Variants in OLFM3 observed in about 807,000 individuals in gnomAD.
OLFM3 encodes olfactomedin 3, also known as noelin-3.
In OLFM3, 20 loss-of-function variants were observed where a neutral mutation model predicts 48.6. The observed-to-expected ratio is 0.41, with a 90% CI of 0.29 to 0.60. The LOEUF (loss-of-function observed/expected upper bound fraction) is 0.60. OLFM3 is among the 20% of genes least tolerant of loss of function. OLFM3 has a pLI of 0.28. For synonymous variants in OLFM3, 222 were observed against 198.1 expected, an observed-to-expected ratio of 1.12 and a Z score of -1.01; for missense variants, 437 against 544.3, an observed-to-expected ratio of 0.80 and a Z score of 1.96.
chr1:101,856,051 T>C (rs2100955279), intron 1 of OLFM3, among the ~76,000 whole-genome samples: 1 of 152,134 alleles, frequency 6.6e-6, no homozygotes, highest in African/African-American at 2.4e-5. Flanking sequence ...ACATCTGTAG[T>C]CTGCTTTTTA....
chr1:101,836,888 T>C lies in OLFM3; in HGVS notation c.207A>G (p.Leu69=), dbSNP rs755666032. 6.2e-7 allele frequency: 1 copy of C among 1,614,156 alleles called. No individual in the cohort carries two copies. Among genetic ancestry groups the C allele is most frequent in the Non-Finnish European group, 8.5e-7 (1 of 1,180,000 alleles). The change falls in exon 2 of 6, where the codon CTA becomes CTG. Residue 69 remains leucine (L), a synonymous_variant. Coordinates refer to ENST00000370103, the MANE Select transcript of OLFM3 (RefSeq NM_058170.4). The stretch of plus-strand genomic sequence containing the variant: ...GACACAGGACACCTACCTTTTCCAG[T>C]AGTTGGCGAAGTTGCCTGCTTTTGG... ...RDAKSRQLRQ[L]LEKVQNMSQS...
At chr1:101,868,118 G>T (rs1265009727) in intron 1 of OLFM3, among the ~76,000 whole-genome samples, 2 of 152,214 alleles carry the variant, frequency 1.3e-5, no homozygotes, top group African/African-American at 4.8e-5. Flanking sequence ...CCAGTCTCGG[G>T]TATGTCTTAT....
rs113235532 is a variant in OLFM3 at position 101,979,093 on chromosome 1, G to A, written c.69+17655C>T. Among the ~76,000 whole-genome samples, 9 of 151,894 alleles carry A rather than the reference G, an allele frequency of 5.9e-5. No individual in the cohort carries two copies. The East Asian group carries it at 1.7e-3, about 29-fold the overall frequency. On this transcript the variant is annotated intron_variant, in intron 1 of 5. Coordinates refer to ENST00000370103, the MANE Select transcript of OLFM3 (RefSeq NM_058170.4). ...AACCCTATTCTTCTGTATGTCTTGT[G>A]GGGGGGCATGCAGAAATAATACATT...
At position 101,878,779 on chromosome 1, in the gene OLFM3, G is replaced by A. The variant is rs192200708; in HGVS notation, c.70-41754C>T. 2.0e-5 allele frequency among the ~76,000 whole-genome samples: 3 copies of A among 151,886 alleles called. No homozygotes were observed. In the East Asian group the frequency reaches 5.8e-4, roughly 29 times the overall value. On this transcript the variant is annotated intron_variant, in intron 1 of 5. Transcript: ENST00000370103. ...GCTTTAGAAAACAGAAGCAACCACA[G>A]TCCTTGAAAACTAATGAAGAATTAG...
chr1:101,934,902 G>T (rs1312597038), intron 1 of OLFM3, among the ~76,000 whole-genome samples: 1 of 151,954 alleles, frequency 6.6e-6, no homozygotes, highest in African/African-American at 2.4e-5. Flanking sequence ...CAGAAATCAA[G>T]AAATTATTTG....
intron 1 of OLFM3, among the ~76,000 whole-genome samples, chr1:101,886,511 A>G (rs1015578654): frequency 6.6e-6 from 1 of 152,072 alleles, no homozygotes. Context: ...AAGTGAAATG[A>G]GACTGGAGGG....
chr1:101,870,012 T>A (rs1657013124), intron 1 of OLFM3, among the ~76,000 whole-genome samples: 1 of 152,196 alleles, frequency 6.6e-6, no homozygotes, highest in Non-Finnish European at 1.5e-5. Context: ...ATGAAATAAT[T>A]GACCAGCTAA....
intron 2 of OLFM3, among the ~76,000 whole-genome samples, chr1:101,832,029 A>C (rs553813068): frequency 6.6e-6 from 1 of 152,250 alleles, no homozygotes; most frequent in East Asian, 1.9e-4. Flanking sequence ...CAGTCTCCTG[A>C]GTAGCTGGGA....
intron 3 of OLFM3, among the ~76,000 whole-genome samples, chr1:101,827,881 C>T (rs938825321): frequency 2.0e-5 from 3 of 152,044 alleles, no homozygotes; most frequent in African/African-American, 7.2e-5. Flanking sequence ...ATTGTAATTC[C>T]CATATGTCTG....
At chr1:101,984,383 G>C (rs940804383) in intron 1 of OLFM3, among the ~76,000 whole-genome samples, 2 of 151,774 alleles carry the variant, frequency 1.3e-5, no homozygotes, top group Admixed American at 1.3e-4. Context: ...ATGTAATTCA[G>C]TTAGGGCTGT....
intron 1 of OLFM3, among the ~76,000 whole-genome samples, chr1:101,875,732 A>G (rs1197458830): frequency 2.0e-5 from 3 of 151,484 alleles, no homozygotes; most frequent in African/African-American, 4.9e-5. Context: ...AGCCATATCA[A>G]GAGCTCAAAA....
intron 1 of OLFM3, among the ~76,000 whole-genome samples, chr1:101,993,865 T>C (rs1328828053): frequency 6.6e-6 from 1 of 151,460 alleles, no homozygotes; most frequent in Non-Finnish European, 1.5e-5. Context: ...AAAACAATAC[T>C]GACTTTCAAG....
intron 1 of OLFM3, among the ~76,000 whole-genome samples, chr1:101,939,084 T>A (rs1328962718): frequency 1.3e-5 from 2 of 151,988 alleles, no homozygotes; most frequent in Admixed American, 6.6e-5. Flanking sequence ...TAAAAAAAAA[T>A]CCATAAAAAA....
intron 1 of OLFM3, among the ~76,000 whole-genome samples, chr1:101,928,952 ATTGTTCT>A (rs1275571111): frequency 6.6e-6 from 1 of 152,026 alleles, no homozygotes; most frequent in Non-Finnish European, 1.5e-5. Flanking sequence ...CCTATAATCC[ATTGTTCT>A]TACGGCTTCA....
intron 1 of OLFM3, among the ~76,000 whole-genome samples, chr1:101,967,285 A>T (rs1660639384): frequency 7.8e-6 from 1 of 127,614 alleles, no homozygotes; most frequent in Non-Finnish European, 1.6e-5. Flanking sequence ...ACAATTTCTC[A>T]TTTCATTTTG....
At chr1:101,886,660 T>G (rs888688098) in intron 1 of OLFM3, among the ~76,000 whole-genome samples, 1 of 152,048 alleles carries the variant, frequency 6.6e-6, no homozygotes, top group Non-Finnish European at 1.5e-5. Flanking sequence ...TGACTGCGGT[T>G]GCATGAAAGA....
At chr1:101,991,469 A>G (rs1661409853) in intron 1 of OLFM3, among the ~76,000 whole-genome samples, 1 of 152,088 alleles carries the variant, frequency 6.6e-6, no homozygotes. Context: ...TTCTTAGTAC[A>G]AAAATTGAAG....
chr1:101,857,233 T>C (rs1308354507), intron 1 of OLFM3, among the ~76,000 whole-genome samples: 2 of 151,998 alleles, frequency 1.3e-5, no homozygotes, highest in East Asian at 3.8e-4. Context: ...GGCTACTGAA[T>C]GTAAAGAGAC....
intron 1 of OLFM3, among the ~76,000 whole-genome samples, chr1:101,855,671 A>C (rs1305807189): frequency 5.9e-5 from 9 of 152,098 alleles, no homozygotes. Context: ...GGAGGCATTG[A>C]CACTCAGGTA....
Sources: allele counts gnomAD v4.1 joint callset (sites outside exome capture counted in the v4.1 genomes callset), GRCh38; gene constraint gnomAD v4.1.1; transcripts MANE v1.5; gene names NCBI Gene and HGNC (gene_info 2026-07-23, HGNC 2026-07-21).